IGF2BP2: variants seen among roughly 807,000 people sequenced by gnomAD.
IGF2BP2 encodes the protein insulin like growth factor 2 mRNA binding protein 2.
Under a neutral mutation model 75.8 loss-of-function variants are expected in IGF2BP2, and 17 were observed. The observed-to-expected ratio is 0.22, with a 90% CI of 0.15 to 0.34. The LOEUF (loss-of-function observed/expected upper bound fraction) is 0.34. IGF2BP2 is among the 10% of genes least tolerant of loss of function. The pLI, the probability that IGF2BP2 is intolerant of heterozygous loss-of-function variation, is 1.00. For synonymous variants in IGF2BP2, 288 were observed against 295.6 expected, an observed-to-expected ratio of 0.97 and a Z score of 0.26; for missense variants, 516 against 772.4, an observed-to-expected ratio of 0.67 and a Z score of 3.93.
chr3:185,692,558 C>T, intron 5 of IGF2BP2, 141 bp downstream of exon 5: 1 of 685,610 alleles, frequency 1.5e-6, no homozygotes, highest in Non-Finnish European at 2.4e-6. Flanking sequence ...TGCCGTGGAG[C>T]TCCATGGGTA....
intron 2 of IGF2BP2, among the ~76,000 whole-genome samples, chr3:185,731,968 C>T (rs1333402051): frequency 2.0e-5 from 3 of 151,426 alleles, no homozygotes; most frequent in Non-Finnish European, 4.4e-5. Flanking sequence ...GGCGACAGAG[C>T]GAGACTCCGT....
chr3:185,707,348 C>T (rs999719275), intron 2 of IGF2BP2, among the ~76,000 whole-genome samples: 7 of 122,270 alleles, frequency 5.7e-5, no homozygotes, highest in African/African-American at 2.2e-4. Context: ...CACTCTGTCA[C>T]CCAGGCTAGA....
intron 2 of IGF2BP2, among the ~76,000 whole-genome samples, chr3:185,700,119 C>T (rs1723092839): frequency 6.6e-6 from 1 of 151,908 alleles, no homozygotes. Flanking sequence ...TAAACAGTGG[C>T]TATACACAGT....
At chr3:185,660,380 G>GA (rs1243565082) in intron 10 of IGF2BP2, among the ~76,000 whole-genome samples, 1 of 152,152 alleles carries the variant, frequency 6.6e-6, no homozygotes, top group Non-Finnish European at 1.5e-5. Context: ...TCCATCCCCC[G>GA]AATCTCCTGA....
In IGF2BP2 at chr3:185,775,965, ATGGCAAGG is replaced by A. The variant is rs1423110399; in HGVS notation, c.239+47180_239+47187del. On this transcript the variant is annotated intron_variant, in intron 2 of 15. Transcript: ENST00000382199. The stretch of plus-strand genomic sequence containing the variant: ...TTGGAAACAGCCTAGCAATAGGCAA[ATGGCAAGG>A]TGGCTCAAGCCTGCAATCCCAGCAC... 1.1e-4 allele frequency among the ~76,000 whole-genome samples: 16 copies of A among 152,334 alleles called. 1 individual carries two copies. The highest frequency in any genetic ancestry group is 9.8e-4 in the Admixed American group (15 of 15,306).
In IGF2BP2 at chr3:185,796,704, A is replaced by G. The variant is rs1425719037; in HGVS notation, c.239+26449T>C. Among the ~76,000 whole-genome samples the G allele has an allele frequency of 2.7e-5, 4 of 150,682 alleles. No individual in the cohort carries two copies. The East Asian group carries it at 5.8e-4, about 22-fold the overall frequency. On this transcript the variant is annotated intron_variant, in intron 2 of 15. Coordinates refer to ENST00000382199, the MANE Select transcript of IGF2BP2 (RefSeq NM_006548.6). Reference sequence around the variant, plus strand: ...AGCACATTTATTTGTTAATTGCTTTAGGATGTCCAGAGTGTAGTACCTGTA... The same window carrying G: ...AGCACATTTATTTGTTAATTGCTTTGGGATGTCCAGAGTGTAGTACCTGTA...
At chr3:185,791,710 A>G (rs1212086040) in intron 2 of IGF2BP2, among the ~76,000 whole-genome samples, 1 of 152,246 alleles carries the variant, frequency 6.6e-6, no homozygotes, top group Non-Finnish European at 1.5e-5. Flanking sequence ...ACAATGGAAT[A>G]CTTTGATTTT....
chr3:185,808,144 G>C (rs947211909), intron 2 of IGF2BP2, among the ~76,000 whole-genome samples: 41 of 147,572 alleles, frequency 2.8e-4, no homozygotes, highest in African/African-American at 9.6e-4. Flanking sequence ...AAGAAAGAAA[G>C]AAAGAAAGAA....
At chr3:185,676,933 G>C (rs1234083242) in intron 7 of IGF2BP2, among the ~76,000 whole-genome samples, 2 of 133,860 alleles carry the variant, frequency 1.5e-5, no homozygotes, top group Non-Finnish European at 3.0e-5. Flanking sequence ...ATTTACTGGA[G>C]AGAGAGACAT....
At chr3:185,697,895 T>C in intron 3 of IGF2BP2, among the ~76,000 whole-genome samples, 1 of 151,912 alleles carries the variant, frequency 6.6e-6, no homozygotes, top group Non-Finnish European at 1.5e-5. Context: ...GGTGGGAAGA[T>C]GAGGTAGGAA....
chr3:185,755,347 A>G (rs1327072505), intron 2 of IGF2BP2, among the ~76,000 whole-genome samples: 2 of 152,252 alleles, frequency 1.3e-5, no homozygotes, highest in East Asian at 3.8e-4. Context: ...TTACAGGCAC[A>G]GAGAGTGCAA....
At chr3:185,805,361 G>C (rs1415497871) in intron 2 of IGF2BP2, among the ~76,000 whole-genome samples, 1 of 152,086 alleles carries the variant, frequency 6.6e-6, no homozygotes, top group Non-Finnish European at 1.5e-5. Context: ...CAGGAGGGCT[G>C]GGAAAGACTG....
intron 5 of IGF2BP2, 24 bp downstream of exon 5, chr3:185,692,675 A>G (rs755818805): frequency 1.4e-5 from 22 of 1,566,880 alleles, no homozygotes; most frequent in Non-Finnish European, 1.9e-5. Flanking sequence ...AAATTTAAAC[A>G]GAAATAAGCC....
intron 2 of IGF2BP2, among the ~76,000 whole-genome samples, chr3:185,708,347 C>T (rs990236512): frequency 6.6e-6 from 1 of 152,116 alleles, no homozygotes; most frequent in Non-Finnish European, 1.5e-5. Flanking sequence ...CTTAAGAAAA[C>T]GTGCCTTCGG....
chr3:185,673,323 T>C (rs1330678173), intron 9 of IGF2BP2, among the ~76,000 whole-genome samples: 1 of 152,252 alleles, frequency 6.6e-6, no homozygotes, highest in East Asian at 1.9e-4. Context: ...CAATAAATAT[T>C]TGTTGAATGA....
chr3:185,795,862 G>C, intron 2 of IGF2BP2, among the ~76,000 whole-genome samples: 1 of 151,848 alleles, frequency 6.6e-6, no homozygotes, highest in South Asian at 2.1e-4. Flanking sequence ...CTCCAGGCTG[G>C]GCAACAGAGA....
rs142196436 is a variant in IGF2BP2 at position 185,644,597 on chromosome 3, G to T, written c.*934C>A. 1 of 145,454 alleles carries T rather than the reference G, an allele frequency of 6.9e-6. No individual in the cohort carries two copies. The highest frequency in any genetic ancestry group is 6.9e-5 in the Admixed American group (1 of 14,434). 9.0% of individuals were successfully genotyped at this position (145,454 alleles called of 1,614,324 possible). A position where few individuals can be genotyped will look rare whatever the true frequency, so the allele number is the denominator to read the frequency against. ...CAGAGCACTGCTTTGCCTGGGGGGG[G>T]GGGGGTGCGTAGATACGGGATTGAG... On this transcript the variant is annotated 3_prime_UTR_variant, in exon 16 of 16. Transcript: ENST00000382199.
intron 12 of IGF2BP2, among the ~76,000 whole-genome samples, chr3:185,654,004 A>C (rs1041773107): frequency 6.6e-6 from 1 of 152,150 alleles, no homozygotes; most frequent in African/African-American, 2.4e-5. Flanking sequence ...TGTGTGCTAT[A>C]AGCCAGCTTC....
At position 185,657,351 on chromosome 3, in the gene IGF2BP2, C is replaced by A; in HGVS notation, c.1321G>T (p.Ala441Ser). The A allele has an allele frequency of 3.1e-6, 5 of 1,613,822 alleles. No individual in the cohort carries two copies. Among genetic ancestry groups the A allele is most frequent in the Non-Finnish European group, 4.2e-6 (5 of 1,179,866 alleles). Residue 441 changes from alanine (A) to serine (S), a missense_variant, in exon 12 of 16, where the codon GCC (alanine) becomes TCC (serine). By Grantham distance (99) the Ala-to-Ser change is moderately conservative. Around this residue, in one of 3 missense-constraint regions of IGF2BP2, gnomAD observed 129 missense variants for 230.5 expected, o/e 0.56. Transcript: ENST00000382199. ...TGTGCCCCCTTCTTCCCGATGATGG[C>A]GCCCACAGCCTGGGTTGGGATGAAG... ...NLFIPTQAVG[A>S]IIGKKGAHIK...
Sources: allele counts gnomAD v4.1 joint callset (sites outside exome capture counted in the v4.1 genomes callset), GRCh38; gene constraint gnomAD v4.1.1; regional missense constraint gnomAD v4.1.1; transcripts MANE v1.5; gene names NCBI Gene and HGNC (gene_info 2026-07-23, HGNC 2026-07-21).